Variants in OPCML observed in about 807,000 individuals in gnomAD.
OPCML encodes the protein opioid binding protein/cell adhesion molecule like.
In OPCML, 13 loss-of-function variants were observed where a neutral mutation model predicts 37.8. The ratio of observed to expected loss-of-function variants is 0.34; its 90% CI spans 0.22 to 0.55. The LOEUF (loss-of-function observed/expected upper bound fraction) is 0.55, where lower values mean the gene tolerates loss of function less well. OPCML is among the 20% of genes least tolerant of loss of function. The probability of loss-of-function intolerance (pLI) is 0.91; values close to 1 mark genes in which losing one functional copy is unlikely to be tolerated. For missense variants in OPCML, 341 were observed against 435.6 expected (o/e 0.78, Z 1.93); for synonymous variants, 176 against 168.8 (o/e 1.04, Z -0.33).
chr11:133,035,395 G>A (rs1358894859), intron 1 of OPCML, among the ~76,000 whole-genome samples: 1 of 152,154 alleles, frequency 6.6e-6, no homozygotes, highest in Non-Finnish European at 1.5e-5. Flanking sequence ...GGACCTACAG[G>A]CACAGGCAGC....
rs145336941 is a variant in OPCML at position 133,406,510 on chromosome 11, A to G, written c.61+125754T>C. Reference sequence around the variant, plus strand: ...CAAAAAGTCTGTTCAAGCAATGATAAGAAAAATCATTTACTGGGCACATTA... The same window carrying G: ...CAAAAAGTCTGTTCAAGCAATGATAGGAAAAATCATTTACTGGGCACATTA... On this transcript the variant is annotated intron_variant, in intron 1 of 7. Coordinates refer to ENST00000524381, the MANE Select transcript of OPCML (RefSeq NM_001012393.5). Among the ~76,000 whole-genome samples the G allele has an allele frequency of 2.1e-3, 322 of 152,376 alleles. 4 individuals are homozygous for G. Among genetic ancestry groups the G allele is most frequent in the South Asian group, 4.1e-3 (20 of 4,834 alleles).
chr11:132,907,448 T>C (rs192356920), intron 2 of OPCML, among the ~76,000 whole-genome samples: 2,176 of 152,164 alleles, frequency 0.014, 61 homozygotes, highest in African/African-American at 0.05. Context: ...CTGGCCAACA[T>C]GGTGAAACCC....
At chr11:133,447,910 T>C (rs1009623121) in intron 1 of OPCML, among the ~76,000 whole-genome samples, 2 of 152,218 alleles carry the variant, frequency 1.3e-5, no homozygotes, top group African/African-American at 4.8e-5. Context: ...TGTTGAGTTA[T>C]AAGTATTTTT....
chr11:132,875,757 C>G (rs748715662), intron 2 of OPCML, among the ~76,000 whole-genome samples: 5 of 152,132 alleles, frequency 3.3e-5, no homozygotes, highest in African/African-American at 4.8e-5. Context: ...GTCACCATGC[C>G]CAGCCTACCC....
intron 1 of OPCML, among the ~76,000 whole-genome samples, chr11:133,192,054 T>C (rs1239035961): frequency 1.3e-5 from 2 of 152,158 alleles, no homozygotes; most frequent in African/African-American, 4.8e-5. Flanking sequence ...AAAAGAACAA[T>C]GAGACTTCAT....
chr11:133,045,586 G>T (rs1591947162), intron 1 of OPCML, among the ~76,000 whole-genome samples: 2 of 152,298 alleles, frequency 1.3e-5, no homozygotes, highest in South Asian at 4.1e-4. Flanking sequence ...CTTGGCCAAG[G>T]TGGGACACCG....
intron 1 of OPCML, among the ~76,000 whole-genome samples, chr11:133,132,964 A>G (rs1949629280): frequency 6.6e-6 from 1 of 152,082 alleles, no homozygotes; most frequent in Admixed American, 6.5e-5. Flanking sequence ...GGCTGGCATG[A>G]AGTCCTGAAC....
intron 1 of OPCML, among the ~76,000 whole-genome samples, chr11:133,387,901 A>T (rs1945089996): frequency 6.6e-6 from 1 of 152,194 alleles, no homozygotes; most frequent in South Asian, 2.1e-4. Context: ...TCTCTTAAGG[A>T]GGTACAACAT....
intron 1 of OPCML, among the ~76,000 whole-genome samples, chr11:132,967,946 G>A (rs1320306540): frequency 6.6e-6 from 1 of 152,046 alleles, no homozygotes; most frequent in Non-Finnish European, 1.5e-5. Flanking sequence ...TGAAACGAAG[G>A]CACATATGAA....
intron 1 of OPCML, chr11:133,004,676 C>G: frequency 1.0e-6 from 1 of 985,460 alleles, no homozygotes; most frequent in Non-Finnish European, 1.2e-6. Context: ...ACCATGCCCT[C>G]GCTCTCCTTC....
At chr11:132,791,183 A>G (rs764229334) in intron 2 of OPCML, among the ~76,000 whole-genome samples, 2 of 152,124 alleles carry the variant, frequency 1.3e-5, no homozygotes, top group Non-Finnish European at 2.9e-5. Context: ...AGCTAGACGA[A>G]CTCGTCCACG....
At chr11:132,801,238 C>A (rs1319769055) in intron 2 of OPCML, among the ~76,000 whole-genome samples, 1 of 152,104 alleles carries the variant, frequency 6.6e-6, no homozygotes, top group Non-Finnish European at 1.5e-5. Context: ...TAGTAATATA[C>A]CTTCTTTCAT....
chr11:133,206,039 C>A lies in OPCML; in HGVS notation c.62-263029G>T, dbSNP rs1173253191. On this transcript the variant is annotated intron_variant, in intron 1 of 7. Coordinates refer to ENST00000524381, the MANE Select transcript of OPCML (RefSeq NM_001012393.5). The surrounding 1 kb of genome is among the most constrained non-coding windows in gnomAD (Gnocchi z 4.7). The stretch of plus-strand genomic sequence containing the variant: ...CGTGAGGAATACAAGAGCTAATGTA[C>A]ATACATGATGTAGTACCATGTCTAG... Among the ~76,000 whole-genome samples the A allele has an allele frequency of 1.3e-5, 2 of 152,304 alleles. No individual in the cohort carries two copies. The highest frequency in any genetic ancestry group is 3.9e-4 in the East Asian group (2 of 5,186).
chr11:133,149,588 G>A (rs761190582), intron 1 of OPCML, among the ~76,000 whole-genome samples: 3 of 152,248 alleles, frequency 2.0e-5, no homozygotes, highest in Middle Eastern at 3.4e-3. Flanking sequence ...CCACCCGCAC[G>A]CTTGATGTTG....
intron 3 of OPCML, among the ~76,000 whole-genome samples, chr11:132,630,960 G>T (rs1940064134): frequency 6.6e-6 from 1 of 152,036 alleles, no homozygotes; most frequent in South Asian, 2.1e-4. Flanking sequence ...AATGAACTAT[G>T]TCTACATAAA....
In OPCML at chr11:133,283,653, G is replaced by A. The variant is rs567212293; in HGVS notation, c.61+248611C>T. Among the ~76,000 whole-genome samples, 7 of 152,284 alleles carry A rather than the reference G, an allele frequency of 4.6e-5. No individual in the cohort carries two copies. The East Asian group carries it at 1.3e-3, about 29-fold the overall frequency. ...ATTCTAACTGTTCTTGGGGCCAGAT[G>A]GGTTTGCCCTTTAGCACAGATCAAA... On this transcript the variant is annotated intron_variant, in intron 1 of 7. Transcript: ENST00000524381.
chr11:133,105,682 G>A (rs940050399), intron 1 of OPCML, among the ~76,000 whole-genome samples: 3 of 152,130 alleles, frequency 2.0e-5, no homozygotes, highest in Non-Finnish European at 4.4e-5. Context: ...AAATTATTGG[G>A]TTGCAAAAGA....
intron 1 of OPCML, among the ~76,000 whole-genome samples, chr11:133,408,430 A>T (rs1945569383): frequency 6.6e-6 from 1 of 152,236 alleles, no homozygotes; most frequent in African/African-American, 2.4e-5. Context: ...GAGCACTTTC[A>T]TACCTCATGG....
intron 7 of OPCML, among the ~76,000 whole-genome samples, chr11:132,424,684 AT>A (rs2136670093): frequency 6.6e-6 from 1 of 152,234 alleles, no homozygotes; most frequent in South Asian, 2.1e-4. Context: ...CTTAGGCAAG[AT>A]ACTTCCTGTT....
Sources: gnomAD v4.1 joint callset for allele counts (sites outside exome capture counted in the v4.1 genomes callset) on GRCh38, gnomAD v4.1.1 for gene constraint, Gnocchi (gnomAD v3.1) non-coding constraint, MANE v1.5 for transcripts, NCBI Gene and HGNC (gene_info 2026-07-23, HGNC 2026-07-21) for gene names.